KLF8: variants seen among roughly 807,000 people sequenced by gnomAD.
The protein encoded by KLF8 is Krueppel-like factor 8.
Under a neutral mutation model 18.2 loss-of-function variants are expected in KLF8, and 10 were observed. The ratio of observed to expected loss-of-function variants is 0.55; its 90% confidence interval spans 0.34 to 0.93. The LOEUF is 0.93. KLF8 is among the 40% of genes least tolerant of loss of function. KLF8 has a pLI of 0.02. For missense variants in KLF8, 264 were observed against 277.9 expected (o/e 0.95, Z 0.36); for synonymous variants, 109 against 97.3 (o/e 1.12, Z -0.71).
At chrX:56,274,805 G>A (rs2067100883) in intron 5 of KLF8, among the ~76,000 whole-genome samples, 1 of 111,816 alleles carries the variant, frequency 8.9e-6, no homozygotes, top group South Asian at 3.7e-4. Flanking sequence ...TCTAAAATGA[G>A]TTCACTATAA....
At chrX:56,138,616 A>T in the KLF8 span, among the ~76,000 whole-genome samples, 1 of 111,289 alleles carries the variant, frequency 9.0e-6, no homozygotes, top group East Asian at 2.8e-4. Flanking sequence ...AAAATTCAAC[A>T]TCCCTTCATG....
the KLF8 span, among the ~76,000 whole-genome samples, chrX:56,009,664 G>A: frequency 9.0e-6 from 1 of 111,595 alleles, no homozygotes; most frequent in East Asian, 2.8e-4. Context: ...GAATTTTGCT[G>A]AACTAAAAAA....
At chrX:56,135,075 A>G in the KLF8 span, among the ~76,000 whole-genome samples, 1 of 111,441 alleles carries the variant, frequency 9.0e-6, no homozygotes. Flanking sequence ...GGATGTGGAG[A>G]AATGGGAACA....
the KLF8 span, among the ~76,000 whole-genome samples, chrX:56,214,201 G>C: frequency 9.0e-6 from 1 of 111,249 alleles, no homozygotes; most frequent in African/African-American, 3.3e-5. Context: ...ATGTGGTTTT[G>C]GAAAAGGCAA....
the KLF8 span, among the ~76,000 whole-genome samples, chrX:56,208,263 G>T: frequency 3.6e-5 from 4 of 111,518 alleles, no homozygotes; most frequent in South Asian, 1.5e-3. Context: ...CCAATTTATT[G>T]GCATATATTT....
At chrX:56,037,367 G>T in the KLF8 span, among the ~76,000 whole-genome samples, 1 of 109,456 alleles carries the variant, frequency 9.1e-6, no homozygotes, top group African/African-American at 3.3e-5. Flanking sequence ...AGATTGGTCT[G>T]TTTTTTTTTA....
chrX:56,193,081 T>C, the KLF8 span, among the ~76,000 whole-genome samples: 1 of 110,389 alleles, frequency 9.1e-6, no homozygotes, highest in Non-Finnish European at 1.9e-5. Flanking sequence ...CTGACAAGGG[T>C]TTGAGAACCA....
chrX:56,157,396 TAA>T, the KLF8 span, among the ~76,000 whole-genome samples: 1 of 108,934 alleles, frequency 9.2e-6, no homozygotes, highest in African/African-American at 3.3e-5. Context: ...AAAATAAAAT[TAA>T]AAAAAAAGAT....
At chrX:56,046,378 C>T in the KLF8 span, among the ~76,000 whole-genome samples, 7 of 111,057 alleles carry the variant, frequency 6.3e-5, no homozygotes, top group African/African-American at 2.0e-4. Context: ...GTTATTAGTA[C>T]TTTGGAACAC....
At chrX:56,188,810 C>T in the KLF8 span, among the ~76,000 whole-genome samples, 10 of 111,790 alleles carry the variant, frequency 8.9e-5, no homozygotes, top group Non-Finnish European at 1.3e-4. Context: ...GAAAACTGGC[C>T]AGCCATATGT....
At chrX:56,039,349 C>T in the KLF8 span, among the ~76,000 whole-genome samples, 2 of 111,708 alleles carry the variant, frequency 1.8e-5, no homozygotes, top group South Asian at 7.4e-4. Flanking sequence ...TTGGGTTTTA[C>T]ATTTAAGTCT....
chrX:56,105,828 T>C, the KLF8 span, among the ~76,000 whole-genome samples: 9 of 112,033 alleles, frequency 8.0e-5, no homozygotes, highest in East Asian at 2.5e-3. Context: ...GTCTTTACAA[T>C]TTGGCATGCT....
chrX:55,924,849 CTTTTTTTTTTTT>C, the KLF8 span, among the ~76,000 whole-genome samples: 43 of 42,943 alleles, frequency 1.0e-3, no homozygotes, highest in African/African-American at 4.0e-3. Flanking sequence ...TTGTTTTTTG[CTTTTTTTTTTTT>C]TTTTTTTTTT....
At chrX:56,033,170 C>T in the KLF8 span, among the ~76,000 whole-genome samples, 1 of 111,353 alleles carries the variant, frequency 9.0e-6, no homozygotes, top group Non-Finnish European at 1.9e-5. Context: ...TTCTTAGCAA[C>T]ATCTCCCCAT....
the KLF8 span, among the ~76,000 whole-genome samples, chrX:56,144,478 G>T: frequency 1.8e-5 from 2 of 109,444 alleles, no homozygotes; most frequent in Admixed American, 9.9e-5. Flanking sequence ...GGCTGGGCGC[G>T]GTGGCTCACG....
At chrX:56,082,840 C>T in the KLF8 span, among the ~76,000 whole-genome samples, 4 of 111,594 alleles carry the variant, frequency 3.6e-5, no homozygotes, top group Non-Finnish European at 5.6e-5. Flanking sequence ...TTTCTTTGAG[C>T]ACCTAAATAT....
chrX:56,276,361 A>T (rs1163488694), intron 5 of KLF8, among the ~76,000 whole-genome samples: 2 of 110,983 alleles, frequency 1.8e-5, no homozygotes, highest in Non-Finnish European at 3.8e-5. Context: ...CCTTCAGATG[A>T]TTTCTTATTG....
chrX:55,988,101 G>T, the KLF8 span, among the ~76,000 whole-genome samples: 9,421 of 111,315 alleles, frequency 0.085, 974 homozygotes, highest in African/African-American at 0.3. Context: ...CTGGATATTA[G>T]CCCTTTGTCA....
the KLF8 span, among the ~76,000 whole-genome samples, chrX:56,159,249 A>T: frequency 8.9e-6 from 1 of 111,870 alleles, no homozygotes; most frequent in East Asian, 2.8e-4. Flanking sequence ...ACCTGATCAT[A>T]GTGGACAAAC....
Sources: allele counts gnomAD v4.1 joint callset (sites outside exome capture counted in the v4.1 genomes callset), GRCh38; gene constraint gnomAD v4.1.1; transcripts MANE v1.5; gene names NCBI Gene and HGNC (gene_info 2026-07-23, HGNC 2026-07-21).